TMTC1: variants seen among roughly 807,000 people sequenced by gnomAD.
The protein encoded by TMTC1 is protein O-mannosyl-transferase TMTC1.
A neutral mutation model predicts 104.8 loss-of-function variants in TMTC1; 73 were observed. The ratio of observed to expected loss-of-function variants is 0.70; its 90% CI spans 0.58 to 0.85. TMTC1 has a LOEUF of 0.85. TMTC1 is among the 40% of genes least tolerant of loss of function. The pLI is 0.00. For synonymous variants in TMTC1, 434 were observed against 428.7 expected (o/e 1.01, Z -0.15); for missense variants, 1,035 against 1,096.1 (o/e 0.94, Z 0.79).
intron 6 of TMTC1, among the ~76,000 whole-genome samples, chr12:29,606,022 T>G (rs188014438): frequency 7.2e-5 from 11 of 152,246 alleles, no homozygotes; most frequent in African/African-American, 2.7e-4. Context: ...AGCCTCCATG[T>G]TGCAGCAAAA....
chr12:29,642,351 G>A (rs1938891431), intron 5 of TMTC1, among the ~76,000 whole-genome samples: 1 of 152,110 alleles, frequency 6.6e-6, no homozygotes, highest in South Asian at 2.1e-4. Flanking sequence ...AGAAGCACCA[G>A]GTAACCTTTA....
rs112943005 is a variant in TMTC1 at position 29,726,435 on chromosome 12, C to G, written c.938+25231G>C. Among the ~76,000 whole-genome samples the G allele has an allele frequency of 4.8e-5, 7 of 146,836 alleles. 1 individual carries two copies. The highest frequency in any genetic ancestry group is 1.7e-4 in the African/African-American group (7 of 41,142). On this transcript the variant is annotated intron_variant, in intron 5 of 17. Transcript: ENST00000539277. ...AGCCATCTCCCAATCTTAATATAAC[C>G]CCAGAGAAGCTCTCCCTAGATTTTT...
At chr12:29,538,910 C>T (rs1381516619) in intron 10 of TMTC1, among the ~76,000 whole-genome samples, 1 of 152,194 alleles carries the variant, frequency 6.6e-6, no homozygotes, top group Admixed American at 6.5e-5. Context: ...CTGGAGGATT[C>T]TCCTTTTGCT....
chr12:29,553,840 C>T (rs1020515870), intron 10 of TMTC1, among the ~76,000 whole-genome samples: 1 of 152,130 alleles, frequency 6.6e-6, no homozygotes, highest in African/African-American at 2.4e-5. Context: ...CCATCTTTTG[C>T]TCAGGTCTTA....
intron 5 of TMTC1, among the ~76,000 whole-genome samples, chr12:29,697,687 G>A (rs1319994944): frequency 1.3e-5 from 2 of 152,232 alleles, no homozygotes; most frequent in East Asian, 1.9e-4. Flanking sequence ...AATGCCCCAG[G>A]GTCTGAGTGT....
intron 1 of TMTC1, among the ~76,000 whole-genome samples, chr12:29,780,979 A>G (rs903067198): frequency 1.3e-5 from 2 of 152,254 alleles, no homozygotes; most frequent in African/African-American, 4.8e-5. Context: ...AATAAAAATC[A>G]TAAAGACGTA....
intron 15 of TMTC1, among the ~76,000 whole-genome samples, chr12:29,515,692 T>C (rs1458060138): frequency 6.6e-6 from 1 of 152,078 alleles, no homozygotes; most frequent in Non-Finnish European, 1.5e-5. Context: ...TACATTTGTT[T>C]TGTGAGTACC....
intron 9 of TMTC1, among the ~76,000 whole-genome samples, chr12:29,565,721 C>T (rs979776627): frequency 6.6e-6 from 1 of 152,110 alleles, no homozygotes; most frequent in Non-Finnish European, 1.5e-5. Flanking sequence ...GTGGCAGGTG[C>T]CTGTAATCCC....
chr12:29,703,643 A>AGCAACT (rs1248208772), intron 5 of TMTC1, among the ~76,000 whole-genome samples: 1 of 152,202 alleles, frequency 6.6e-6, no homozygotes, highest in Non-Finnish European at 1.5e-5. Flanking sequence ...CTAAAGTTAC[A>AGCAACT]GCAACTTATT....
intron 5 of TMTC1, among the ~76,000 whole-genome samples, chr12:29,710,058 GT>G (rs1319659958): frequency 1.4e-5 from 2 of 143,212 alleles, no homozygotes; most frequent in African/African-American, 5.0e-5. Flanking sequence ...GCTATACCCT[GT>G]TAGACTCACT....
intron 5 of TMTC1, among the ~76,000 whole-genome samples, chr12:29,693,741 T>C (rs187260104): frequency 6.6e-6 from 1 of 152,334 alleles, no homozygotes; most frequent in Admixed American, 6.5e-5. Flanking sequence ...AATATTAGTA[T>C]GACAAGTCTC....
At chr12:29,698,192 A>T (rs919225286) in intron 5 of TMTC1, among the ~76,000 whole-genome samples, 2 of 152,196 alleles carry the variant, frequency 1.3e-5, no homozygotes, top group African/African-American at 4.8e-5. Flanking sequence ...ATGTAACCAC[A>T]TCTGGACAGA....
chr12:29,564,166 G>C (rs373321483), intron 9 of TMTC1, among the ~76,000 whole-genome samples: 9 of 152,300 alleles, frequency 5.9e-5, no homozygotes, highest in Admixed American at 4.6e-4. Context: ...AGGACAAGGA[G>C]CAAGTTTTGG....
intron 5 of TMTC1, among the ~76,000 whole-genome samples, chr12:29,665,614 T>A (rs1940246902): frequency 6.6e-6 from 1 of 152,206 alleles, no homozygotes; most frequent in African/African-American, 2.4e-5. Flanking sequence ...CACAGAATTA[T>A]CACGTCAATA....
At chr12:29,650,808 C>T (rs970361471) in intron 5 of TMTC1, among the ~76,000 whole-genome samples, 2 of 152,048 alleles carry the variant, frequency 1.3e-5, no homozygotes, top group African/African-American at 2.4e-5. Flanking sequence ...GATTCCGAGG[C>T]GTTCAGTTCT....
chr12:29,534,123 T>G (rs1944578879), intron 11 of TMTC1: 1 of 152,234 alleles, frequency 6.6e-6, no homozygotes, highest in Non-Finnish European at 1.5e-5. Context: ...AATAAAGTTG[T>G]GCAACCAAGA....
In TMTC1 at chr12:29,755,866, C is replaced by A; in HGVS notation, c.574G>T (p.Val192Phe). ...ACCGTGGAAGGGAAACTTCCCCCAA[C>A]ACAGCCCTGATCCAGACTCCTGAAA... ...SYNRSLDQGC[V>F]GGSFPSTVSP... The change falls in exon 4 of 18, where the codon GTT (valine) becomes TTT (phenylalanine). Residue 192 changes from valine to phenylalanine, a missense_variant. Coordinates refer to ENST00000539277, the MANE Select transcript of TMTC1 (RefSeq NM_001193451.2). 1 of 1,614,196 alleles carries A rather than the reference C, an allele frequency of 6.2e-7. No homozygotes were observed. Among genetic ancestry groups the A allele is most frequent in the Admixed American group, 1.7e-5 (1 of 60,026 alleles).
At chr12:29,510,437 C>T (rs952427227) in intron 17 of TMTC1, among the ~76,000 whole-genome samples, 2 of 152,082 alleles carry the variant, frequency 1.3e-5, no homozygotes, top group Admixed American at 6.5e-5. Context: ...TTAAAATTAT[C>T]GTTTTACTCT....
At chr12:29,514,740 C>A in intron 15 of TMTC1, 136 bp from the exon 16 acceptor site, 3 of 969,086 alleles carry the variant, frequency 3.1e-6, no homozygotes, top group Non-Finnish European at 4.4e-6. Flanking sequence ...AATTCTTGGT[C>A]AGGCGTAGTG....
Sources: gnomAD v4.1 joint callset for allele counts (sites outside exome capture counted in the v4.1 genomes callset) on GRCh38, gnomAD v4.1.1 for gene constraint, MANE v1.5 for transcripts, NCBI Gene and HGNC (gene_info 2026-07-23, HGNC 2026-07-21) for gene names.